GRID2: variants seen among roughly 807,000 people sequenced by gnomAD.
GRID2 encodes glutamate ionotropic receptor delta type subunit 2, also known as glutamate receptor ionotropic, delta-2.
In GRID2, 33 loss-of-function variants were observed where a neutral mutation model predicts 114.8. That is an observed-to-expected ratio of 0.29 (90% CI 0.22 to 0.38). The LOEUF (loss-of-function observed/expected upper bound fraction) is 0.38. Ranked by LOEUF, GRID2 falls within the 10% of genes least tolerant of loss-of-function variation. GRID2 has a pLI of 1.00. For synonymous variants in GRID2, 505 were observed against 449.9 expected, an observed-to-expected ratio of 1.12 and a Z score of -1.55; for missense variants, 1,184 against 1,257.7, an observed-to-expected ratio of 0.94 and a Z score of 0.89.
intron 14 of GRID2, among the ~76,000 whole-genome samples, chr4:93,756,213 A>G (rs943486443): frequency 2.0e-5 from 3 of 152,220 alleles, no homozygotes; most frequent in Admixed American, 6.5e-5. Flanking sequence ...CACTCCAGAT[A>G]TGATTCAGAG....
chr4:93,281,186 G>T (rs772599809), intron 8 of GRID2, among the ~76,000 whole-genome samples: 1 of 151,806 alleles, frequency 6.6e-6, no homozygotes, highest in African/African-American at 2.4e-5. Flanking sequence ...AACTAGAGAA[G>T]GCCTCAGAGA....
chr4:92,879,865 T>A (rs2149455937), intron 2 of GRID2, among the ~76,000 whole-genome samples: 1 of 152,360 alleles, frequency 6.6e-6, no homozygotes, highest in East Asian at 1.9e-4. Context: ...GCAACTGTTC[T>A]TTGGCCAAGA....
At chr4:92,708,518 C>G (rs11939085) in intron 2 of GRID2, among the ~76,000 whole-genome samples, 3,499 of 152,108 alleles carry the variant, frequency 0.023, 165 homozygotes, top group African/African-American at 0.079. Flanking sequence ...TTATTGTGGA[C>G]CTGGGAAAAA....
Position 93,463,967 on chromosome 4 carries a change from C to G in GRID2, c.1858+7993C>G, listed in dbSNP as rs1015750320. On this transcript the variant is annotated intron_variant, in intron 11 of 15. Coordinates refer to ENST00000282020, the MANE Select transcript of GRID2 (RefSeq NM_001510.4). ...TTGTGCCACTGCACTCCAGCCTGGG[C>G]GACACAGCAAGACTCCATCTCAAAA... Among the ~76,000 whole-genome samples, 7 of 151,866 alleles carry G rather than the reference C, an allele frequency of 4.6e-5. 1 individual carries two copies. In the South Asian group the frequency reaches 1.2e-3, roughly 27 times the overall value.
At chr4:92,526,367 G>A (rs1229359500) in intron 1 of GRID2, among the ~76,000 whole-genome samples, 1 of 152,058 alleles carries the variant, frequency 6.6e-6, no homozygotes. Context: ...TTTTGAGATG[G>A]AGTTTTGCTA....
intron 1 of GRID2, among the ~76,000 whole-genome samples, chr4:92,329,302 T>A (rs1443601612): frequency 6.6e-6 from 1 of 152,062 alleles, no homozygotes; most frequent in African/African-American, 2.4e-5. Flanking sequence ...CCTCTCTATT[T>A]AAACTTTGGA....
chr4:93,094,627 T>C (rs146512617), intron 3 of GRID2, among the ~76,000 whole-genome samples: 2 of 152,174 alleles, frequency 1.3e-5, no homozygotes, highest in East Asian at 3.9e-4. Context: ...ATTGAATTAG[T>C]ATCTGGAGAG....
At chr4:93,618,082 G>A (rs766927077) in intron 13 of GRID2, among the ~76,000 whole-genome samples, 1 of 152,096 alleles carries the variant, frequency 6.6e-6, no homozygotes, top group Non-Finnish European at 1.5e-5. Context: ...GGGCATTGGA[G>A]GCAAACCTGG....
chr4:92,371,038 C>A (rs143871816), intron 1 of GRID2, among the ~76,000 whole-genome samples: 1 of 152,128 alleles, frequency 6.6e-6, no homozygotes, highest in Non-Finnish European at 1.5e-5. Flanking sequence ...TTCCCTTACA[C>A]CACAATTTAA....
At chr4:93,791,038 A>G (rs1163284169) in intron 1 of GRID2, among the ~76,000 whole-genome samples, 1 of 152,238 alleles carries the variant, frequency 6.6e-6, no homozygotes, top group East Asian at 1.9e-4. Flanking sequence ...TGCAAGTGGT[A>G]ATTAAAGATT....
intron 1 of GRID2, among the ~76,000 whole-genome samples, chr4:92,332,852 C>T (rs1726966883): frequency 6.6e-6 from 1 of 152,212 alleles, no homozygotes; most frequent in Non-Finnish European, 1.5e-5. Flanking sequence ...CCATGTTGCT[C>T]ATCCTGGGAA....
At chr4:93,709,010 A>C (rs1044903299) in intron 14 of GRID2, among the ~76,000 whole-genome samples, 3 of 152,058 alleles carry the variant, frequency 2.0e-5, no homozygotes, top group Non-Finnish European at 4.4e-5. Flanking sequence ...CCCTTCTTTT[A>C]AGCTTTCAGT....
intron 12 of GRID2, among the ~76,000 whole-genome samples, chr4:93,508,032 A>T (rs1728802115): frequency 6.6e-6 from 1 of 152,122 alleles, no homozygotes; most frequent in African/African-American, 2.4e-5. Context: ...TGGGAGGGAT[A>T]GCATTAGGAG....
intron 14 of GRID2, among the ~76,000 whole-genome samples, chr4:93,676,402 G>A (rs1465056986): frequency 6.6e-6 from 1 of 152,148 alleles, no homozygotes; most frequent in African/African-American, 2.4e-5. Flanking sequence ...AGATAGAGTA[G>A]CATAGCTTAG....
intron 8 of GRID2, among the ~76,000 whole-genome samples, chr4:93,394,089 G>C (rs1024180605): frequency 3.0e-4 from 46 of 152,026 alleles, no homozygotes; most frequent in Non-Finnish European, 6.2e-4. Context: ...ATTAGAAAAA[G>C]CACACATCAG....
chr4:93,773,606 T>G lies in GRID2; in HGVS notation c.*1108T>G, dbSNP rs950388353. Reference sequence around the variant, plus strand: ...GCTGAACCACATCCACAACAGCACATAGAGCTCTAGAAGAGTTGAAACATA... The same window carrying G: ...GCTGAACCACATCCACAACAGCACAGAGAGCTCTAGAAGAGTTGAAACATA... On this transcript the variant is annotated 3_prime_UTR_variant, in exon 16 of 16. Coordinates refer to ENST00000282020, the MANE Select transcript of GRID2 (RefSeq NM_001510.4). The G allele has an allele frequency of 2.4e-4, 37 of 152,146 alleles. No individual in the cohort carries two copies. Among genetic ancestry groups the G allele is most frequent in the Admixed American group, 2.2e-3 (33 of 15,278 alleles). The allele number at this position is 152,146 out of a possible 1,614,324, so 9.4% of individuals were successfully genotyped here. A position where few individuals can be genotyped will look rare whatever the true frequency, so the allele number is the denominator to read the frequency against.
chr4:92,956,724 G>A (rs1316364064), intron 2 of GRID2, among the ~76,000 whole-genome samples: 1 of 152,152 alleles, frequency 6.6e-6, no homozygotes, highest in Non-Finnish European at 1.5e-5. Flanking sequence ...CATTTTCTAA[G>A]AAGCTGCCTG....
intron 10 of GRID2, among the ~76,000 whole-genome samples, chr4:93,449,824 T>A (rs2149403587): frequency 6.6e-6 from 1 of 152,074 alleles, no homozygotes; most frequent in Non-Finnish European, 1.5e-5. Flanking sequence ...GCTCCTCAAC[T>A]TCTGAATGGC....
intron 1 of GRID2, among the ~76,000 whole-genome samples, chr4:92,337,935 A>G (rs1037026121): frequency 6.6e-6 from 1 of 152,130 alleles, no homozygotes; most frequent in South Asian, 2.1e-4. Flanking sequence ...TTCTTTGGCC[A>G]TGAACTGCCT....
Sources: allele counts gnomAD v4.1 joint callset (sites outside exome capture counted in the v4.1 genomes callset), GRCh38; gene constraint gnomAD v4.1.1; transcripts MANE v1.5; gene names NCBI Gene and HGNC (gene_info 2026-07-23, HGNC 2026-07-21).